CDK14: variants seen among roughly 807,000 people sequenced by gnomAD.
The protein encoded by CDK14 is cyclin-dependent kinase 14.
A neutral mutation model predicts 60.7 loss-of-function variants in CDK14; 34 were observed. That is an observed-to-expected ratio of 0.56 (90% CI 0.43 to 0.75). The LOEUF (loss-of-function observed/expected upper bound fraction) is 0.75. Among genes scored for constraint, CDK14 ranks in the 30% least tolerant of loss-of-function variants. The pLI, the probability that CDK14 is intolerant of heterozygous loss-of-function variation, is 0.00. For missense variants in CDK14, 482 were observed against 564.1 expected, an observed-to-expected ratio of 0.85 and a Z score of 1.47; for synonymous variants, 197 against 203.7, an observed-to-expected ratio of 0.97 and a Z score of 0.28.
At chr7:90,933,379 A>T (rs1277406773) in intron 8 of CDK14, among the ~76,000 whole-genome samples, 3 of 152,100 alleles carry the variant, frequency 2.0e-5, no homozygotes. Flanking sequence ...ATGATTAATG[A>T]TAGTACAGGT....
At chr7:91,012,738 G>A (rs1796196178) in intron 10 of CDK14, among the ~76,000 whole-genome samples, 1 of 152,126 alleles carries the variant, frequency 6.6e-6, no homozygotes, top group South Asian at 2.1e-4. Context: ...TGACTGGAAG[G>A]GGAAGTTGTG....
At chr7:90,819,109 C>T (rs1398724172) in intron 5 of CDK14, among the ~76,000 whole-genome samples, 2 of 151,968 alleles carry the variant, frequency 1.3e-5, no homozygotes, top group African/African-American at 4.8e-5. Context: ...TTGGTCTGTG[C>T]ATGGAGTTGT....
At chr7:90,841,409 C>G (rs1790285295) in intron 5 of CDK14, among the ~76,000 whole-genome samples, 1 of 151,828 alleles carries the variant, frequency 6.6e-6, no homozygotes, top group East Asian at 1.9e-4. Context: ...TATGGGAACC[C>G]TCTGAACTTT....
chr7:90,646,512 T>C (rs1447927588), intron 2 of CDK14, among the ~76,000 whole-genome samples: 5 of 152,120 alleles, frequency 3.3e-5, no homozygotes, highest in African/African-American at 1.2e-4. Flanking sequence ...ATATAACATA[T>C]GCATATCAAA....
intron 10 of CDK14, among the ~76,000 whole-genome samples, chr7:91,008,150 C>G (rs56166338): frequency 1.1e-5 from 1 of 89,548 alleles, no homozygotes; most frequent in Non-Finnish European, 2.5e-5. Flanking sequence ...AAAAAACAAA[C>G]AAAAAAAAAC....
At chr7:90,788,633 G>GT (rs1410173424) in intron 4 of CDK14, among the ~76,000 whole-genome samples, 5 of 152,162 alleles carry the variant, frequency 3.3e-5, no homozygotes, top group African/African-American at 1.2e-4. Flanking sequence ...TCCGCAATCA[G>GT]TTCAATGAGA....
chr7:90,816,078 A>AT (rs201348455), intron 5 of CDK14, among the ~76,000 whole-genome samples: 37 of 152,200 alleles, frequency 2.4e-4, no homozygotes, highest in African/African-American at 8.4e-4. Flanking sequence ...AGAACTTAAA[A>AT]TTTTTTTAAA....
At chr7:90,639,415 T>C (rs960050007) in intron 2 of CDK14, among the ~76,000 whole-genome samples, 1 of 152,092 alleles carries the variant, frequency 6.6e-6, no homozygotes, top group Admixed American at 6.6e-5. Context: ...TTTGCCTGGG[T>C]ATCAGCAGTG....
intron 11 of CDK14, among the ~76,000 whole-genome samples, chr7:91,059,373 T>A (rs1797702027): frequency 6.6e-6 from 1 of 152,042 alleles, no homozygotes; most frequent in South Asian, 2.1e-4. Context: ...ATTCATTGAT[T>A]TTTTGAAGGG....
chr7:90,634,976 G>T (rs1800102926), intron 2 of CDK14, among the ~76,000 whole-genome samples: 1 of 151,510 alleles, frequency 6.6e-6, no homozygotes, highest in Non-Finnish European at 1.5e-5. Context: ...TTTTTGATGG[G>T]GTTGTTTGTT....
intron 9 of CDK14, among the ~76,000 whole-genome samples, chr7:90,976,915 T>C (rs1795089163): frequency 1.3e-5 from 2 of 152,186 alleles, no homozygotes; most frequent in Non-Finnish European, 2.9e-5. Flanking sequence ...ATCTCCCATC[T>C]GTACAGAAGC....
intron 14 of CDK14, among the ~76,000 whole-genome samples, chr7:91,191,824 G>A (rs1802372875): frequency 6.6e-6 from 1 of 152,092 alleles, no homozygotes; most frequent in South Asian, 2.1e-4. Context: ...CTCAAGGGAA[G>A]CAATGGTACA....
At chr7:90,690,084 C>G (rs10276818) in intron 2 of CDK14, among the ~76,000 whole-genome samples, 127,084 of 152,170 alleles carry the variant, frequency 0.84, 53,206 homozygotes, top group East Asian at 1. Flanking sequence ...GTGTACTTAA[C>G]AAACTGCATT....
chr7:90,758,307 TG>T (rs1252050220), intron 4 of CDK14, among the ~76,000 whole-genome samples: 2 of 152,078 alleles, frequency 1.3e-5, no homozygotes, highest in African/African-American at 2.4e-5. Context: ...TATGTTTAGA[TG>T]GGGGGTGGCA....
intron 5 of CDK14, among the ~76,000 whole-genome samples, chr7:90,808,619 T>C (rs922568831): frequency 5.3e-5 from 8 of 152,110 alleles, no homozygotes; most frequent in African/African-American, 1.9e-4. Context: ...CATAAAGATA[T>C]TAACCTTAAA....
chr7:91,060,630 A>G (rs1383116581), intron 11 of CDK14, among the ~76,000 whole-genome samples: 1 of 152,182 alleles, frequency 6.6e-6, no homozygotes, highest in African/African-American at 2.4e-5. Context: ...GCCTTTCTGT[A>G]AAGTATTTTA....
intron 2 of CDK14, among the ~76,000 whole-genome samples, chr7:90,637,001 T>A (rs1430538241): frequency 1.3e-5 from 2 of 152,024 alleles, no homozygotes; most frequent in African/African-American, 2.4e-5. Context: ...CATTTTTTAT[T>A]GCGTCTATTT....
At chr7:90,690,871 C>T (rs998889596) in intron 2 of CDK14, among the ~76,000 whole-genome samples, 1 of 152,100 alleles carries the variant, frequency 6.6e-6, no homozygotes. Flanking sequence ...AACAATTATA[C>T]TTCTAAGCAT....
At chr7:91,066,396 A>G (rs1797982952) in intron 11 of CDK14, among the ~76,000 whole-genome samples, 1 of 152,228 alleles carries the variant, frequency 6.6e-6, no homozygotes, top group Admixed American at 6.5e-5. Flanking sequence ...AGTGTTAGCT[A>G]CAAATCTAGT....
Sources: gnomAD v4.1 joint callset for allele counts (sites outside exome capture counted in the v4.1 genomes callset) on GRCh38, gnomAD v4.1.1 for gene constraint, MANE v1.5 for transcripts, NCBI Gene and HGNC (gene_info 2026-07-23, HGNC 2026-07-21) for gene names.